ATP10B: variants seen among roughly 807,000 people sequenced by gnomAD.
The protein encoded by ATP10B is phospholipid-transporting ATPase VB.
ATP10B carries 122 observed loss-of-function variants against 141.2 expected under a neutral mutation model. The observed-to-expected ratio is 0.86, with a 90% CI of 0.75 to 1.00. ATP10B has a LOEUF of 1.00. Among genes scored for constraint, ATP10B ranks in the 50% least tolerant of loss-of-function variants. The pLI is 0.00. For synonymous variants in ATP10B, 685 were observed against 692.0 expected, an observed-to-expected ratio of 0.99 and a Z score of 0.16; for missense variants, 1,876 against 1,825.3, an observed-to-expected ratio of 1.03 and a Z score of -0.51.
At position 160,565,727 on chromosome 5, in the gene ATP10B, G is replaced by C; in HGVS notation, c.4112C>G (p.Ser1371Cys). Residue 1371 changes from serine (S) to cysteine (C), a missense_variant, in exon 26 of 26, where the codon TCT (serine) becomes TGT (cysteine). By Grantham distance (112) the Ser-to-Cys change is moderately radical. Coordinates refer to ENST00000327245, the MANE Select transcript of ATP10B (RefSeq NM_025153.3). ...GGCACTGAAGTCCTGTCCTGTGATA[G>C]ATGACACTGGGTGGTGAGTTGGTCG... ...VARPTHHPVS[S>C]ITGQDFSAST... is the part of the protein sequence containing the mutation. 6.2e-7 allele frequency: 1 copy of C among 1,614,072 alleles called. No individual in the cohort carries two copies. The highest frequency in any genetic ancestry group is 8.5e-7 in the Non-Finnish European group (1 of 1,179,972).
At chr5:160,824,003 T>C (rs1356488999) in intron 1 of ATP10B, among the ~76,000 whole-genome samples, 1 of 152,136 alleles carries the variant, frequency 6.6e-6, no homozygotes, top group African/African-American at 2.4e-5. Flanking sequence ...ATTTCCAGTA[T>C]TAGACATAAC....
At chr5:160,764,473 C>T (rs979624569) in intron 2 of ATP10B, among the ~76,000 whole-genome samples, 6 of 152,110 alleles carry the variant, frequency 3.9e-5, no homozygotes, top group Non-Finnish European at 8.8e-5. Flanking sequence ...ACATGATCAT[C>T]TCAATAGATG....
At chr5:160,717,585 A>G (rs554917924) in intron 2 of ATP10B, among the ~76,000 whole-genome samples, 22 of 152,346 alleles carry the variant, frequency 1.4e-4, no homozygotes, top group African/African-American at 5.3e-4. Context: ...AGCTTATCAA[A>G]TATCACACAC....
intron 10 of ATP10B, chr5:160,639,323 G>A (rs1188678487): frequency 6.6e-6 from 1 of 152,146 alleles, no homozygotes; most frequent in Non-Finnish European, 1.5e-5. Context: ...CTAATCCTTG[G>A]GGCCCTATGA....
chr5:160,651,882 T>C (rs541081802), intron 7 of ATP10B, among the ~76,000 whole-genome samples: 35 of 152,248 alleles, frequency 2.3e-4, no homozygotes, highest in Non-Finnish European at 4.1e-4. Flanking sequence ...AATCATGCTG[T>C]AATTTGTCAG....
chr5:160,622,819 C>A (rs890245859), intron 13 of ATP10B, among the ~76,000 whole-genome samples: 4 of 152,208 alleles, frequency 2.6e-5, no homozygotes, highest in Non-Finnish European at 5.9e-5. Context: ...CAGTGTCTTC[C>A]CACCATTTGT....
At chr5:160,884,196 AAC>A in the ATP10B span, among the ~76,000 whole-genome samples, 1 of 152,178 alleles carries the variant, frequency 6.6e-6, no homozygotes, top group Non-Finnish European at 1.5e-5. Flanking sequence ...ACCATCTTGT[AAC>A]AGTCTTTTGT....
At chr5:160,597,178 T>C (rs189109546) in intron 22 of ATP10B, among the ~76,000 whole-genome samples, 3,681 of 152,308 alleles carry the variant, frequency 0.024, 64 homozygotes, top group Middle Eastern at 0.054. Flanking sequence ...AACAGCATGG[T>C]ACTGGTACCA....
At chr5:160,925,208 T>C in the ATP10B span, among the ~76,000 whole-genome samples, 1 of 152,234 alleles carries the variant, frequency 6.6e-6, no homozygotes, top group Non-Finnish European at 1.5e-5. Context: ...ATTCTGGCCA[T>C]GTGGCCTGCC....
chr5:160,900,607 T>G, the ATP10B span, among the ~76,000 whole-genome samples: 885 of 152,322 alleles, frequency 5.8e-3, 7 homozygotes, highest in African/African-American at 0.02. Flanking sequence ...GGTGAAGTAT[T>G]GTTTATGAAA....
rs771560672 is a variant in ATP10B at position 160,632,175 on chromosome 5, C to T, written c.1574G>A (p.Gly525Glu). 23 of 1,614,044 alleles carry T rather than the reference C, an allele frequency of 1.4e-5. No homozygotes were observed. Among genetic ancestry groups the T allele is most frequent in the Non-Finnish European group, 1.9e-5 (22 of 1,180,044 alleles). ...IQGHYRQRSM[G>E]HRESSQPPVA... The stretch of plus-strand genomic sequence containing the variant: ...AGGAGGCTGTGAGCTTTCACGGTGC[C>T]CCATAGACCTTTGCCGGTAGTGGCC... Residue 525 changes from glycine (G) to glutamate (E), a missense_variant, in exon 13 of 26, where the codon GGG becomes GAG. Gly to Glu is a moderately conservative substitution (Grantham distance 98). Coordinates refer to ENST00000327245, the MANE Select transcript of ATP10B (RefSeq NM_025153.3).
intron 1 of ATP10B, among the ~76,000 whole-genome samples, chr5:160,828,262 A>G (rs1774786339): frequency 1.3e-5 from 2 of 152,152 alleles, no homozygotes; most frequent in African/African-American, 2.4e-5. Flanking sequence ...CTACCATCAG[A>G]GTGAACAGGC....
the ATP10B span, among the ~76,000 whole-genome samples, chr5:160,887,092 C>T: frequency 2.0e-5 from 3 of 152,126 alleles, no homozygotes; most frequent in African/African-American, 7.2e-5. Context: ...TTGAGCCAGG[C>T]ACGAATTTTC....
intron 1 of ATP10B, among the ~76,000 whole-genome samples, chr5:160,837,519 C>T (rs1775524406): frequency 6.6e-6 from 1 of 152,112 alleles, no homozygotes. Flanking sequence ...AGCAGAGCTT[C>T]TAAAATATAA....
At chr5:160,892,665 C>T in the ATP10B span, among the ~76,000 whole-genome samples, 35 of 152,264 alleles carry the variant, frequency 2.3e-4, no homozygotes, top group African/African-American at 7.0e-4. Context: ...GTCTTCCATC[C>T]CTGGTATCCA....
intron 2 of ATP10B, among the ~76,000 whole-genome samples, chr5:160,742,579 T>C (rs898083050): frequency 1.3e-5 from 2 of 152,146 alleles, no homozygotes; most frequent in Admixed American, 6.5e-5. Context: ...GCTGAGCAAA[T>C]AGGTATTGTC....
intron 2 of ATP10B, among the ~76,000 whole-genome samples, chr5:160,783,549 C>A (rs1770905331): frequency 9.0e-6 from 1 of 111,578 alleles, no homozygotes; most frequent in Admixed American, 1.1e-4. Context: ...ATATATATAT[C>A]ATATATATAT....
intron 2 of ATP10B, among the ~76,000 whole-genome samples, chr5:160,734,902 T>G (rs1581436047): frequency 6.6e-6 from 1 of 151,948 alleles, no homozygotes; most frequent in Non-Finnish European, 1.5e-5. Context: ...GCTTGTTTAT[T>G]TATGCAAACA....
intron 1 of ATP10B, among the ~76,000 whole-genome samples, chr5:160,828,846 G>T (rs1031398589): frequency 1.3e-5 from 2 of 150,728 alleles, no homozygotes; most frequent in African/African-American, 4.9e-5. Context: ...AGAAAATGTG[G>T]CACATATACA....
Sources: allele counts gnomAD v4.1 joint callset (sites outside exome capture counted in the v4.1 genomes callset), GRCh38; gene constraint gnomAD v4.1.1; transcripts MANE v1.5; gene names NCBI Gene and HGNC (gene_info 2026-07-23, HGNC 2026-07-21).